The following GRIA3 variants were observed in gnomAD, a reference collection of about 807,000 sequenced individuals.
GRIA3 encodes the protein glutamate receptor 3.
GRIA3 carries 3 observed loss-of-function variants against 63.0 expected under a neutral mutation model. The observed-to-expected ratio is 0.05, with a 90% CI of 0.02 to 0.12. GRIA3 has a LOEUF of 0.12. Ranked by LOEUF, GRIA3 falls within the 10% of genes least tolerant of loss-of-function variation. The pLI is 1.00. For synonymous variants in GRIA3, 274 were observed against 257.9 expected (o/e 1.06, Z -0.60); for missense variants, 347 against 700.9 (o/e 0.50, Z 5.70).
At chrX:123,459,995 A>G (rs902100545) in intron 12 of GRIA3, among the ~76,000 whole-genome samples, 3 of 111,723 alleles carry the variant, frequency 2.7e-5, no homozygotes, top group Admixed American at 9.5e-5. Flanking sequence ...TCAGTCATCA[A>G]AAAGAGTCCA....
chrX:123,352,359 C>T (rs2045101865), intron 4 of GRIA3, among the ~76,000 whole-genome samples: 1 of 112,616 alleles, frequency 8.9e-6, no homozygotes, highest in Admixed American at 9.4e-5. Context: ...GGATTACAGG[C>T]GTAAGCCACC....
intron 5 of GRIA3, among the ~76,000 whole-genome samples, chrX:123,394,329 T>C (rs1380574965): frequency 1.8e-5 from 2 of 110,647 alleles, no homozygotes; most frequent in African/African-American, 6.6e-5. Flanking sequence ...ATCACACCAC[T>C]GCACTCCAGC....
chrX:123,415,059 T>G (rs2045529397), intron 10 of GRIA3, among the ~76,000 whole-genome samples: 1 of 112,376 alleles, frequency 8.9e-6, no homozygotes, highest in African/African-American at 3.2e-5. Flanking sequence ...GCGTTCCTAT[T>G]TCTCCACATC....
chrX:123,263,205 G>A (rs917648585), intron 3 of GRIA3, among the ~76,000 whole-genome samples: 1 of 112,205 alleles, frequency 8.9e-6, no homozygotes, highest in Non-Finnish European at 1.9e-5. Context: ...AAAAGTGCAT[G>A]CAAGCAAGGA....
intron 2 of GRIA3, among the ~76,000 whole-genome samples, chrX:123,220,569 A>G (rs894561875): frequency 1.8e-5 from 2 of 111,374 alleles, no homozygotes; most frequent in Admixed American, 9.5e-5. Flanking sequence ...CTTTCTCCCA[A>G]TGCACCTTGG....
intron 13 of GRIA3, among the ~76,000 whole-genome samples, chrX:123,466,488 G>A (rs1208477512): frequency 1.8e-5 from 2 of 111,940 alleles, no homozygotes; most frequent in East Asian, 5.6e-4. Flanking sequence ...CCTTAGCCAT[G>A]TTCTTGGTTC....
intron 10 of GRIA3, 58 bp downstream of exon 10, chrX:123,404,972 A>T: frequency 1.2e-6 from 1 of 849,108 alleles, no homozygotes; most frequent in Non-Finnish European, 1.8e-6. Flanking sequence ...AACAAAGAAG[A>T]GAGAAGATTT....
rs2045809033 is a variant in GRIA3 at position 123,463,608 on chromosome X, GAGGGA to G, written c.2077-1255_2077-1251del. ...GGAGGGAGGGAGGGAGGGAGGGAGG[GAGGGA>G]AAGAAAGAAAGAAAGAAAGAAAGAA... On this transcript the variant is annotated intron_variant, in intron 12 of 15. Coordinates refer to ENST00000620443, the MANE Select transcript of GRIA3 (RefSeq NM_007325.5). 5.4e-3 allele frequency among the ~76,000 whole-genome samples: 109 copies of G among 20,373 alleles called. 12 individuals are homozygous for G. The highest frequency in any genetic ancestry group is 0.022 in the African/African-American group (80 of 3,699). 17.7% of individuals were successfully genotyped at this position (20,373 alleles called of 115,157 possible).
At position 123,464,975 on chromosome X, in the gene GRIA3, G is replaced by A; in HGVS notation, c.2187G>A (p.Lys729=). The part of the protein sequence containing the change: ...ADGVARVRKS[K]GKFAFLLEST... ...GAGTGGCCCGAGTGCGAAAGTCCAA[G>A]GGAAAGTTCGCCTTCCTGCTGGAGT... Residue 729 remains lysine, a synonymous_variant, in exon 13 of 16, where the codon AAG becomes AAA. Transcript: ENST00000620443. 2.5e-6 allele frequency: 3 copies of A among 1,210,610 alleles called. No individual in the cohort carries two copies. Among genetic ancestry groups the A allele is most frequent in the Non-Finnish European group, 3.4e-6 (3 of 894,742 alleles).
chrX:123,418,187 C>T (rs1055966051), intron 11 of GRIA3, among the ~76,000 whole-genome samples: 5 of 111,711 alleles, frequency 4.5e-5, no homozygotes, highest in Non-Finnish European at 9.4e-5. Flanking sequence ...ACATAGAACT[C>T]TTCTTTAAAT....
At chrX:123,363,320 A>G (rs1365528728) in intron 5 of GRIA3, among the ~76,000 whole-genome samples, 1 of 112,203 alleles carries the variant, frequency 8.9e-6, no homozygotes, top group Non-Finnish European at 1.9e-5. Context: ...TTCCCCCTGT[A>G]CAAAATGTGC....
At chrX:123,437,876 G>A (rs1196927293) in intron 12 of GRIA3, among the ~76,000 whole-genome samples, 4 of 111,658 alleles carry the variant, frequency 3.6e-5, no homozygotes, top group East Asian at 2.8e-4. Flanking sequence ...GAAGATTGCC[G>A]TTGTTATAAC....
chrX:123,432,418 T>C (rs2045622971), intron 12 of GRIA3, among the ~76,000 whole-genome samples: 3 of 112,491 alleles, frequency 2.7e-5, no homozygotes, highest in African/African-American at 9.7e-5. Context: ...GGACAATTTT[T>C]CTCTTTCTCA....
chrX:123,269,335 G>A (rs2044506778), intron 3 of GRIA3, among the ~76,000 whole-genome samples: 1 of 112,064 alleles, frequency 8.9e-6, no homozygotes, highest in African/African-American at 3.2e-5. Context: ...TTACATCCAT[G>A]AAAGGCACCT....
chrX:123,340,531 G>A (rs1001720673), intron 4 of GRIA3, among the ~76,000 whole-genome samples: 1 of 112,301 alleles, frequency 8.9e-6, no homozygotes, highest in Non-Finnish European at 1.9e-5. Flanking sequence ...AGGGGGAAGT[G>A]CACTAGACAA....
chrX:123,254,068 C>T (rs756204109), intron 3 of GRIA3, among the ~76,000 whole-genome samples: 45 of 111,878 alleles, frequency 4.0e-4, no homozygotes, highest in Non-Finnish European at 7.1e-4. Context: ...CTTAGCAGGC[C>T]TCAACAATTA....
At chrX:123,260,405 AC>A (rs1569409531) in intron 3 of GRIA3, among the ~76,000 whole-genome samples, 543 of 11,025 alleles carry the variant, frequency 0.049, 106 homozygotes, top group East Asian at 0.12. Context: ...AGAAAGAAAG[AC>A]AGACAGACAG....
chrX:123,448,566 T>G (rs747276571), intron 12 of GRIA3, among the ~76,000 whole-genome samples: 23 of 111,987 alleles, frequency 2.1e-4, no homozygotes, highest in Admixed American at 4.7e-4. Flanking sequence ...ACCTATACTG[T>G]CCAATATGGT....
chrX:123,411,893 C>T (rs1309894989), intron 10 of GRIA3, among the ~76,000 whole-genome samples: 1 of 110,866 alleles, frequency 9.0e-6, no homozygotes, highest in Non-Finnish European at 1.9e-5. Context: ...ACTGCTATTA[C>T]CAGTGCAAGC....
Sources: allele counts gnomAD v4.1 joint callset (sites outside exome capture counted in the v4.1 genomes callset), GRCh38; gene constraint gnomAD v4.1.1; transcripts MANE v1.5; gene names NCBI Gene and HGNC (gene_info 2026-07-23, HGNC 2026-07-21).